The following FAF1 variants were observed in gnomAD, a reference collection of about 807,000 sequenced individuals.
FAF1 encodes FAS-associated factor 1.
Under a neutral mutation model 92.5 loss-of-function variants are expected in FAF1, and 25 were observed. That is an observed-to-expected ratio of 0.27 (90% confidence interval 0.20 to 0.38). The LOEUF (loss-of-function observed/expected upper bound fraction) is 0.38, where lower values mean the gene tolerates loss of function less well. Among genes scored for constraint, FAF1 ranks in the 10% least tolerant of loss-of-function variants. The pLI, the probability that FAF1 is intolerant of heterozygous loss-of-function variation, is 1.00. For synonymous variants in FAF1, 234 were observed against 273.2 expected (o/e 0.86, Z 1.42); for missense variants, 636 against 793.3 (o/e 0.80, Z 2.38).
chr1:50,902,571 T>G (rs1456590757), intron 1 of FAF1, among the ~76,000 whole-genome samples: 1 of 152,172 alleles, frequency 6.6e-6, no homozygotes, highest in Admixed American at 6.5e-5. Context: ...CTCCCTTTAT[T>G]CAAAGTCACA....
chr1:50,877,039 T>C (rs1024521974), intron 1 of FAF1, among the ~76,000 whole-genome samples: 1 of 152,212 alleles, frequency 6.6e-6, no homozygotes, highest in African/African-American at 2.4e-5. Flanking sequence ...TTTCAAATAA[T>C]TTATGTAGCT....
At chr1:50,875,418 T>C (rs985590661) in intron 1 of FAF1, among the ~76,000 whole-genome samples, 6 of 152,146 alleles carry the variant, frequency 3.9e-5, no homozygotes, top group African/African-American at 9.7e-5. Flanking sequence ...CAATCAACTC[T>C]CTACCCAACT....
chr1:50,543,911 T>G (rs934930656), intron 13 of FAF1, among the ~76,000 whole-genome samples: 25 of 152,198 alleles, frequency 1.6e-4, no homozygotes, highest in Non-Finnish European at 2.6e-4. Context: ...TTAAATACAT[T>G]TATATTTAAT....
At chr1:50,719,836 G>C (rs1658333613) in intron 6 of FAF1, among the ~76,000 whole-genome samples, 1 of 152,132 alleles carries the variant, frequency 6.6e-6, no homozygotes, top group Admixed American at 6.5e-5. Flanking sequence ...AATCTCAGTA[G>C]TCACTGAACT....
intron 1 of FAF1, among the ~76,000 whole-genome samples, chr1:50,862,848 C>A (rs1240329575): frequency 6.6e-6 from 1 of 151,762 alleles, no homozygotes; most frequent in Non-Finnish European, 1.5e-5. Context: ...TATTACAATG[C>A]TAAATATACA....
intron 1 of FAF1, among the ~76,000 whole-genome samples, chr1:50,874,820 A>C (rs1168477474): frequency 1.8e-5 from 2 of 110,390 alleles, no homozygotes; most frequent in African/African-American, 7.2e-5. Flanking sequence ...CCTGGGCTGG[A>C]GTGCAGTGGT....
intron 7 of FAF1, among the ~76,000 whole-genome samples, chr1:50,685,419 T>A: frequency 6.6e-6 from 1 of 152,184 alleles, no homozygotes; most frequent in East Asian, 1.9e-4. Context: ...AAACTACTGC[T>A]ATAGTATATA....
intron 18 of FAF1, among the ~76,000 whole-genome samples, chr1:50,458,600 C>G (rs905858971): frequency 1.3e-5 from 2 of 152,214 alleles, no homozygotes; most frequent in African/African-American, 4.8e-5. Flanking sequence ...ACCTCAAACA[C>G]ATTTAAAAAA....
intron 15 of FAF1, among the ~76,000 whole-genome samples, chr1:50,526,496 G>A (rs1647814720): frequency 6.6e-6 from 1 of 151,792 alleles, no homozygotes; most frequent in South Asian, 2.1e-4. Context: ...AGAGATGGGA[G>A]TTTTTCTGTG....
intron 8 of FAF1, among the ~76,000 whole-genome samples, chr1:50,621,442 CAAGCTGGA>C (rs1557440045): frequency 7.0e-6 from 1 of 141,932 alleles, no homozygotes; most frequent in East Asian, 2.0e-4. Context: ...CTCTGTAGCC[CAAGCTGGA>C]GTGTAGTGGC....
At chr1:50,502,093 T>C (rs1359975777) in intron 15 of FAF1, among the ~76,000 whole-genome samples, 1 of 152,198 alleles carries the variant, frequency 6.6e-6, no homozygotes, top group Non-Finnish European at 1.5e-5. Flanking sequence ...TTTATCATCA[T>C]AAGATTTCAA....
At chr1:50,682,813 G>T (rs369511155) in intron 7 of FAF1, among the ~76,000 whole-genome samples, 71 of 152,220 alleles carry the variant, frequency 4.7e-4, no homozygotes, top group South Asian at 1.7e-3. Context: ...TCTGAATATG[G>T]CCGGGCGTGG....
intron 1 of FAF1, among the ~76,000 whole-genome samples, chr1:50,886,729 T>C (rs999816176): frequency 1.3e-5 from 2 of 152,358 alleles, no homozygotes; most frequent in Admixed American, 6.5e-5. Flanking sequence ...TATGGCTGCA[T>C]AGTATTCAAT....
rs550661981 is a variant in FAF1 at position 50,662,858 on chromosome 1, G to A, written c.658-7330C>T. ...TGGGACTGCAGGCACCCACTAGCGC[G>A]CCCGGCTAATTTTTTGTATTTTTAG... is the stretch of plus-strand genomic sequence containing the variant. On this transcript the variant is annotated intron_variant, in intron 7 of 18. Transcript: ENST00000396153. Among the ~76,000 whole-genome samples, 3 of 148,524 alleles carry A rather than the reference G, an allele frequency of 2.0e-5. No homozygotes were observed. The East Asian group carries it at 5.8e-4, about 29-fold the overall frequency.
chr1:50,461,398 T>C (rs1429809657), intron 18 of FAF1: 1 of 152,132 alleles, frequency 6.6e-6, no homozygotes, highest in Non-Finnish European at 1.5e-5. Flanking sequence ...GTGTTGTAAT[T>C]ATCATCACAC....
chr1:50,658,908 G>T (rs764024880), intron 7 of FAF1, among the ~76,000 whole-genome samples: 2 of 152,148 alleles, frequency 1.3e-5, no homozygotes, highest in Non-Finnish European at 2.9e-5. Flanking sequence ...GTTACCATAC[G>T]TAGATGTTAC....
At chr1:50,494,949 A>G (rs1208427281) in intron 15 of FAF1, among the ~76,000 whole-genome samples, 2 of 152,160 alleles carry the variant, frequency 1.3e-5, no homozygotes, top group African/African-American at 4.8e-5. Flanking sequence ...AAGTGTTAGA[A>G]TTATAATTTA....
chr1:50,445,159 T>C (rs1646213771), intron 18 of FAF1, among the ~76,000 whole-genome samples: 1 of 152,194 alleles, frequency 6.6e-6, no homozygotes. Context: ...AATGGTAATT[T>C]CTAAGACTTT....
chr1:50,526,095 G>A (rs533486424), intron 15 of FAF1, among the ~76,000 whole-genome samples: 31 of 152,226 alleles, frequency 2.0e-4, no homozygotes, highest in African/African-American at 7.0e-4. Context: ...TATCGTTTGC[G>A]ATATTTCACA....
Sources: gnomAD v4.1 joint callset for allele counts (sites outside exome capture counted in the v4.1 genomes callset) on GRCh38, gnomAD v4.1.1 for gene constraint, MANE v1.5 for transcripts, NCBI Gene and HGNC (gene_info 2026-07-23, HGNC 2026-07-21) for gene names.